OCIAD1: variants seen among roughly 807,000 people sequenced by gnomAD.
OCIAD1 encodes the protein OCIA domain-containing protein 1.
Under a neutral mutation model 38.9 loss-of-function variants are expected in OCIAD1, and 29 were observed. The observed-to-expected ratio is 0.74, with a 90% CI of 0.55 to 1.02. The LOEUF is 1.02. Ranked by LOEUF, OCIAD1 falls within the 50% of genes least tolerant of loss-of-function variation. OCIAD1 has a pLI of 0.00. For synonymous variants in OCIAD1, 110 were observed against 92.0 expected (o/e 1.20, Z -1.12); for missense variants, 288 against 289.6 (o/e 0.99, Z 0.04).
At chr4:48,841,767 G>A (rs1320483330) in intron 3 of OCIAD1, among the ~76,000 whole-genome samples, 4 of 152,106 alleles carry the variant, frequency 2.6e-5, no homozygotes, top group Admixed American at 6.6e-5. Context: ...CAGTGCTGGT[G>A]TAAAGAACAG....
chr4:48,829,270 AC>A, upstream of OCIAD1, among the ~76,000 whole-genome samples: 1 of 152,076 alleles, frequency 6.6e-6, no homozygotes, highest in Admixed American at 6.6e-5. Context: ...AAAAAAAAAA[AC>A]AACAAAAAAC....
intron 1 of OCIAD1, among the ~76,000 whole-genome samples, chr4:48,812,578 G>A (rs1276330574): frequency 1.3e-5 from 2 of 152,208 alleles, no homozygotes; most frequent in Non-Finnish European, 1.5e-5. Context: ...ACTGTCAAAC[G>A]CTTTAGAATA....
At chr4:48,810,647 G>A (rs1259510737) in intron 1 of OCIAD1, among the ~76,000 whole-genome samples, 1 of 151,880 alleles carries the variant, frequency 6.6e-6, no homozygotes, top group Non-Finnish European at 1.5e-5. Context: ...GCACCTGAGC[G>A]TCAGGCACTG....
intron 1 of OCIAD1, chr4:48,831,595 A>G: frequency 1.6e-6 from 2 of 1,268,672 alleles, no homozygotes; most frequent in African/African-American, 1.5e-5. Context: ...AGAACTTAAA[A>G]TGGTATTGTC....
chr4:48,837,246 TAC>T, intron 3 of OCIAD1: 1 of 152,092 alleles, frequency 6.6e-6, no homozygotes, highest in Middle Eastern at 3.4e-3. Context: ...GTGCTGGGAT[TAC>T]AGACGTAAGC....
chr4:48,843,929 G>T (rs1056764353), intron 4 of OCIAD1, among the ~76,000 whole-genome samples: 1 of 152,212 alleles, frequency 6.6e-6, no homozygotes, highest in African/African-American at 2.4e-5. Context: ...GAAACAAATG[G>T]ATGTGAACAT....
At chr4:48,809,132 T>C (rs1336805363) in intron 1 of OCIAD1, among the ~76,000 whole-genome samples, 1 of 152,244 alleles carries the variant, frequency 6.6e-6, no homozygotes, top group African/African-American at 2.4e-5. Context: ...ATCTGTTACC[T>C]ACACAGCTCA....
intron 3 of OCIAD1, among the ~76,000 whole-genome samples, chr4:48,840,532 G>A (rs1778416825): frequency 6.6e-6 from 1 of 152,202 alleles, no homozygotes. Flanking sequence ...CAAAGTTAAT[G>A]CCCTATTCCA....
chr4:48,847,146 C>G (rs1779044072), intron 4 of OCIAD1, among the ~76,000 whole-genome samples: 1 of 152,148 alleles, frequency 6.6e-6, no homozygotes, highest in Admixed American at 6.5e-5. Flanking sequence ...GGTAAATAAA[C>G]ACTAATATTG....
intron 2 of OCIAD1, 42 bp from the exon 3 acceptor site, chr4:48,833,359 T>G: frequency 8.3e-7 from 1 of 1,199,696 alleles, no homozygotes; most frequent in South Asian, 1.3e-5. Context: ...CCTAGTTTTA[T>G]TATGGATAAT....
At chr4:48,852,751 A>G (rs1779600972) in intron 7 of OCIAD1, among the ~76,000 whole-genome samples, 1 of 152,220 alleles carries the variant, frequency 6.6e-6, no homozygotes. Context: ...CTCAAAAAAC[A>G]TTAGTTTCTT....
intron 6 of OCIAD1, among the ~76,000 whole-genome samples, chr4:48,850,562 G>T (rs947483045): frequency 6.6e-6 from 1 of 152,088 alleles, no homozygotes; most frequent in African/African-American, 2.4e-5. Context: ...CACTGTGCCT[G>T]GTTCTTCATT....
chr4:48,827,772 G>T (rs1004685581), upstream of OCIAD1, among the ~76,000 whole-genome samples: 1 of 152,372 alleles, frequency 6.6e-6, no homozygotes, highest in East Asian at 1.9e-4. Flanking sequence ...TTGCAGGCAC[G>T]TGGCGTGGGA....
chr4:48,819,408 T>A (rs1463489207), intron 1 of OCIAD1, among the ~76,000 whole-genome samples: 1 of 151,802 alleles, frequency 6.6e-6, no homozygotes, highest in Non-Finnish European at 1.5e-5. Context: ...GCACTAAATA[T>A]GGAAAGGAAA....
Position 48,842,708 on chromosome 4 carries a change from AATTT to A in OCIAD1, c.193+25_193+28del. The A allele has an allele frequency of 7.3e-7, 1 of 1,363,580 alleles. No individual in the cohort carries two copies. Among genetic ancestry groups the A allele is most frequent in the African/African-American group, 1.5e-5 (1 of 67,372 alleles). 84.5% of individuals were successfully genotyped at this position (1,363,580 alleles called of 1,614,324 possible). ...AGTAAAGGTAAATATTTAAAATTTG[AATTT>A]ATTTAGCATTTTGGATACCATGTTT... is the stretch of plus-strand genomic sequence containing the variant. On this transcript the variant is annotated intron_variant, in intron 4 of 8. Transcript: ENST00000264312.
chr4:48,857,108 CTATTT>C (rs1780107845), intron 7 of OCIAD1, 100 bp from the exon 8 acceptor site: 5 of 548,940 alleles, frequency 9.1e-6, no homozygotes, highest in Non-Finnish European at 9.0e-6. Context: ...ATTCTTTATT[CTATTT>C]TGATTGTAGC....
At chr4:48,836,768 G>A (rs1184665295) in intron 3 of OCIAD1, among the ~76,000 whole-genome samples, 1 of 152,170 alleles carries the variant, frequency 6.6e-6, no homozygotes, top group Non-Finnish European at 1.5e-5. Context: ...TCAGAGACTT[G>A]CAGGTATTTC....
chr4:48,850,942 C>T (rs1372713565), intron 6 of OCIAD1, among the ~76,000 whole-genome samples: 1 of 152,156 alleles, frequency 6.6e-6, no homozygotes, highest in Admixed American at 6.5e-5. Flanking sequence ...GATTTTATCT[C>T]GATTCAATTT....
chr4:48,816,467 A>C (rs1777144194), intron 1 of OCIAD1, among the ~76,000 whole-genome samples: 1 of 151,408 alleles, frequency 6.6e-6, no homozygotes, highest in Admixed American at 6.6e-5. Context: ...TGGGAGGCGG[A>C]GGTTGCAGTG....
Sources: allele counts gnomAD v4.1 joint callset (sites outside exome capture counted in the v4.1 genomes callset), GRCh38; gene constraint gnomAD v4.1.1; transcripts MANE v1.5; gene names NCBI Gene and HGNC (gene_info 2026-07-23, HGNC 2026-07-21).